Variants in ZC3H13 observed in about 807,000 individuals in gnomAD.
ZC3H13 encodes the protein zinc finger CCCH domain-containing protein 13.
ZC3H13 carries 64 observed loss-of-function variants against 204.1 expected under a neutral mutation model. The observed-to-expected ratio is 0.31, with a 90% CI of 0.26 to 0.39. The LOEUF (loss-of-function observed/expected upper bound fraction) is 0.39, where lower values mean the gene tolerates loss of function less well. Among genes scored for constraint, ZC3H13 ranks in the 10% least tolerant of loss-of-function variants. The pLI is 1.00. For missense variants in ZC3H13, 1,833 were observed against 2,082.7 expected (o/e 0.88, Z 2.33); for synonymous variants, 667 against 693.7 (o/e 0.96, Z 0.60).
At position 46,052,671 on chromosome 13, in the gene ZC3H13, A is replaced by G; in HGVS notation, c.-277T>C. 2.5e-6 allele frequency: 1 copy of G among 398,900 alleles called. No homozygotes were observed. The highest frequency in any genetic ancestry group is 4.4e-6 in the Non-Finnish European group (1 of 226,300). 24.7% of individuals were successfully genotyped at this position (398,900 alleles called of 1,614,324 possible). A position where few individuals can be genotyped will look rare whatever the true frequency, so the allele number is the denominator to read the frequency against. ...AAGAAAAATAACGAAGAGATTGTAG[A>G]TTAAGAAAAGGCAACAAAAACACTA... On this transcript the variant is annotated 5_prime_UTR_variant, in exon 1 of 19. Coordinates refer to ENST00000679008, the MANE Select transcript of ZC3H13 (RefSeq NM_001330564.2).
intron 10 of ZC3H13, among the ~76,000 whole-genome samples, chr13:45,983,301 C>T (rs1357400687): frequency 6.9e-6 from 1 of 143,900 alleles, no homozygotes; most frequent in Non-Finnish European, 1.5e-5. Context: ...ATCCTTAACA[C>T]AATAAAAAGT....
chr13:45,975,315 AT>A lies in ZC3H13; in HGVS notation c.2435del (p.Asn812IlefsTer53). Reference sequence around the variant, plus strand: ...TTCTTTCATCATGTCCATCTCTTGGATTCCTATCTTCTCGGATCTCTTCTCG... The same window carrying A: ...TTCTTTCATCATGTCCATCTCTTGGATCCTATCTTCTCGGATCTCTTCTCG... ...EKREEIREDRNPRDGHDERKS... is the reference protein window; with the variant it reads ...EKREEIREDRXPRDGHDERKS... On this transcript the variant is annotated frameshift_variant, in exon 12 of 19. Transcript: ENST00000679008. LOFTEE classifies it high-confidence loss of function. The A allele has an allele frequency of 6.2e-7, 1 of 1,613,394 alleles. No individual in the cohort carries two copies. Among genetic ancestry groups the A allele is most frequent in the Non-Finnish European group, 8.5e-7 (1 of 1,179,554 alleles).
intron 5 of ZC3H13, among the ~76,000 whole-genome samples, chr13:46,015,685 G>A (rs1007054639): frequency 6.6e-6 from 1 of 152,124 alleles, no homozygotes; most frequent in Admixed American, 6.6e-5. Context: ...AGACTTCGGA[G>A]TGGGGCCTGG....
At chr13:45,976,431 T>C (rs1444024029) in intron 11 of ZC3H13, among the ~76,000 whole-genome samples, 1 of 152,244 alleles carries the variant, frequency 6.6e-6, no homozygotes, top group Non-Finnish European at 1.5e-5. Context: ...AGGGTACTGA[T>C]GTCTAGCAAT....
intron 10 of ZC3H13, among the ~76,000 whole-genome samples, chr13:45,982,699 T>C (rs187127423): frequency 1.3e-5 from 2 of 152,202 alleles, no homozygotes; most frequent in South Asian, 2.1e-4. Context: ...ATCTGAAAAA[T>C]TGGAAATCCA....
chr13:46,038,791 G>A (rs1331670379), intron 4 of ZC3H13, among the ~76,000 whole-genome samples: 1 of 152,174 alleles, frequency 6.6e-6, no homozygotes, highest in Non-Finnish European at 1.5e-5. Flanking sequence ...GGGAGGCTGA[G>A]GCAGGTGGAT....
At chr13:46,010,161 C>T in intron 7 of ZC3H13, 187 bp downstream of exon 7, 5 of 476,594 alleles carry the variant, frequency 1.0e-5, no homozygotes, top group Non-Finnish European at 1.7e-5. Context: ...GGATGTTACA[C>T]AGATGTTTGT....
At position 45,980,029 on chromosome 13, in the gene ZC3H13, T is replaced by C. The variant is rs1953417319; in HGVS notation, c.1721-25A>G. The C allele has an allele frequency of 8.3e-6, 13 of 1,567,278 alleles. No homozygotes were observed. The East Asian group carries it at 3.0e-4, about 36-fold the overall frequency. On this transcript the variant is annotated intron_variant, in intron 10 of 18. Transcript: ENST00000679008. ...CCTAAACAAAGGATAGACACACAAATGTTTACCACATACACTTTATTCAAC... is the reference window on the plus strand; with the variant it reads ...CCTAAACAAAGGATAGACACACAAACGTTTACCACATACACTTTATTCAAC...
rs111669175 is a variant in ZC3H13 at position 46,014,097 on chromosome 13, A to G, written c.449-2543T>C. 2.8e-3 allele frequency among the ~76,000 whole-genome samples: 432 copies of G among 152,302 alleles called. 6 individuals carry two copies. Among genetic ancestry groups the G allele is most frequent in the African/African-American group, 9.7e-3 (404 of 41,578 alleles). ...ACTAGTACATCTATCTTGTAAAATT[A>G]TTTGTCAATATGGGTAAAAGCCTTA... On this transcript the variant is annotated intron_variant, in intron 5 of 18. Coordinates refer to ENST00000679008, the MANE Select transcript of ZC3H13 (RefSeq NM_001330564.2).
At chr13:45,992,527 G>A (rs191063181) in intron 8 of ZC3H13, among the ~76,000 whole-genome samples, 163 of 152,150 alleles carry the variant, frequency 1.1e-3, no homozygotes, top group Non-Finnish European at 1.9e-3. Context: ...TTCCATTATT[G>A]GAATACTAAA....
At chr13:45,979,766 G>A (rs748346585) in intron 11 of ZC3H13, 47 bp downstream of exon 11, 11 of 1,476,836 alleles carry the variant, frequency 7.4e-6, no homozygotes, top group South Asian at 5.7e-5. Flanking sequence ...AAAACAATTC[G>A]CCCAATTGAT....
chr13:46,034,237 A>G (rs1320725559), intron 4 of ZC3H13, among the ~76,000 whole-genome samples: 10 of 152,218 alleles, frequency 6.6e-5, no homozygotes, highest in Admixed American at 5.9e-4. Flanking sequence ...AAAACTGTTC[A>G]GCAGTTTCTT....
chr13:45,982,209 G>C (rs537322602), intron 10 of ZC3H13, among the ~76,000 whole-genome samples: 1 of 151,912 alleles, frequency 6.6e-6, no homozygotes, highest in Admixed American at 6.5e-5. Flanking sequence ...GATTCTACGG[G>C]TATTTTAATA....
At chr13:45,965,173 A>G (rs1399739677) in intron 16 of ZC3H13, 107 bp downstream of exon 16, 5 of 1,372,516 alleles carry the variant, frequency 3.6e-6, no homozygotes, top group Non-Finnish European at 4.8e-6. Flanking sequence ...ATGTAAAAGG[A>G]AAAATTCTAA....
chr13:45,973,469 T>C (rs1359112954), intron 12 of ZC3H13, among the ~76,000 whole-genome samples: 1 of 152,212 alleles, frequency 6.6e-6, no homozygotes, highest in Non-Finnish European at 1.5e-5. Context: ...TATAAGCAGA[T>C]ATCAGAAGCA....
chr13:46,014,316 T>C (rs1456214594), intron 5 of ZC3H13, among the ~76,000 whole-genome samples: 1 of 152,122 alleles, frequency 6.6e-6, no homozygotes, highest in Non-Finnish European at 1.5e-5. Context: ...AAGCCCTGCA[T>C]GCATTAAGTA....
In ZC3H13 at chr13:45,975,395, G is replaced by A. The variant is rs763446472; in HGVS notation, c.2356C>T (p.Arg786Cys). Residue 786 changes from arginine (R) to cysteine (C), a missense_variant, in exon 12 of 19, where the codon CGC becomes TGC. By Grantham distance (180) the Arg-to-Cys change is radical. Around this residue, in one of 5 missense-constraint regions of ZC3H13, gnomAD observed 1,574 missense variants for 1,757.2 expected, o/e 0.90. Coordinates refer to ENST00000679008, the MANE Select transcript of ZC3H13 (RefSeq NM_001330564.2). The stretch of plus-strand genomic sequence containing the variant: ...TCTTTGTCTTCCCAATCCCTTTGGC[G>A]TTCTCGTTCTTTATCCCTTTCTCTC... The part of the protein sequence containing the change: ...RARERDKERE[R>C]QRDWEDKDKG... The A allele has an allele frequency of 1.7e-5, 27 of 1,613,830 alleles. No homozygotes were observed. The highest frequency in any genetic ancestry group is 1.9e-5 in the Non-Finnish European group (23 of 1,179,960).
At chr13:46,015,748 T>A (rs2041871276) in intron 5 of ZC3H13, among the ~76,000 whole-genome samples, 1 of 152,102 alleles carries the variant, frequency 6.6e-6, no homozygotes, top group Admixed American at 6.6e-5. Flanking sequence ...AGTTAGAATT[T>A]GTACTTGCTC....
chr13:46,018,022 T>C (rs559106885), intron 5 of ZC3H13, among the ~76,000 whole-genome samples: 1 of 152,204 alleles, frequency 6.6e-6, no homozygotes, highest in South Asian at 2.1e-4. Context: ...TATAGTTAAG[T>C]GCAAATCCTT....
Sources: allele counts gnomAD v4.1 joint callset (sites outside exome capture counted in the v4.1 genomes callset), GRCh38; gene constraint gnomAD v4.1.1; regional missense constraint gnomAD v4.1.1; transcripts MANE v1.5; gene names NCBI Gene and HGNC (gene_info 2026-07-23, HGNC 2026-07-21).